Variants in ASCC3 observed in about 807,000 individuals in gnomAD.
ASCC3 encodes activating signal cointegrator 1 complex subunit 3.
Under a neutral mutation model 256.3 loss-of-function variants are expected in ASCC3, and 158 were observed. The observed-to-expected ratio is 0.62, with a 90% CI of 0.54 to 0.70. The LOEUF (loss-of-function observed/expected upper bound fraction) is 0.70, where lower values mean the gene tolerates loss of function less well. Among genes scored for constraint, ASCC3 ranks in the 30% least tolerant of loss-of-function variants. The pLI is 0.00. For synonymous variants in ASCC3, 948 were observed against 883.4 expected (o/e 1.07, Z -1.30); for missense variants, 2,259 against 2,626.0 (o/e 0.86, Z 3.05).
intron 8 of ASCC3, among the ~76,000 whole-genome samples, chr6:100,771,457 G>T (rs1781913536): frequency 6.6e-6 from 1 of 151,976 alleles, no homozygotes; most frequent in East Asian, 1.9e-4. Flanking sequence ...TTAAGATACT[G>T]TTAAGAAAAT....
chr6:100,854,349 G>A (rs886385126), intron 3 of ASCC3, among the ~76,000 whole-genome samples: 8 of 152,016 alleles, frequency 5.3e-5, no homozygotes, highest in Non-Finnish European at 5.9e-5. Flanking sequence ...GTATTTTAGA[G>A]TATAAACTCT....
At chr6:100,557,411 T>A (rs1231371675) in intron 36 of ASCC3, among the ~76,000 whole-genome samples, 1 of 152,192 alleles carries the variant, frequency 6.6e-6, no homozygotes, top group African/African-American at 2.4e-5. Context: ...TTTTGCTGCA[T>A]GGATTTGGGA....
Position 100,652,819 on chromosome 6 carries a change from T to C in ASCC3, c.2894A>G (p.Gln965Arg). The part of the protein sequence containing the change: ...IEVGRKLDKA[Q>R]MIRFEERTGY... ...AGTTCGCTCCTCAAAACGAATCATC[T>C]GAGCTTTGTCTAGTTTTCGTCCAAC... Residue 965 changes from glutamine (Q) to arginine (R), a missense_variant, in exon 18 of 42, where the codon CAG becomes CGG. Gln to Arg is a conservative substitution (Grantham distance 43). Around this residue, in one of 2 missense-constraint regions of ASCC3, gnomAD observed 1,839 missense variants for 2,206.7 expected, o/e 0.83. Coordinates refer to ENST00000369162, the MANE Select transcript of ASCC3 (RefSeq NM_006828.4). 2 of 1,613,800 alleles carry C rather than the reference T, an allele frequency of 1.2e-6. No individual in the cohort carries two copies. The highest frequency in any genetic ancestry group is 1.7e-6 in the Non-Finnish European group (2 of 1,179,792).
chr6:100,717,632 C>T (rs187657045), intron 12 of ASCC3, among the ~76,000 whole-genome samples: 99 of 151,912 alleles, frequency 6.5e-4, no homozygotes, highest in African/African-American at 2.3e-3. Flanking sequence ...AAACAGAACA[C>T]CTTCCTTGAT....
intron 10 of ASCC3, among the ~76,000 whole-genome samples, chr6:100,734,191 C>A (rs1780038581): frequency 6.6e-6 from 1 of 151,984 alleles, no homozygotes; most frequent in African/African-American, 2.4e-5. Context: ...TTTTTTACCA[C>A]CATGTGATAA....
intron 34 of ASCC3, 94 bp downstream of exon 34, chr6:100,601,716 T>A: frequency 6.8e-7 from 1 of 1,479,524 alleles, no homozygotes; most frequent in Non-Finnish European, 9.3e-7. Flanking sequence ...AAGTTCTGCC[T>A]TTTTTGTATG....
chr6:100,670,570 C>G (rs186400858), intron 14 of ASCC3, among the ~76,000 whole-genome samples: 5 of 116,194 alleles, frequency 4.3e-5, no homozygotes, highest in African/African-American at 9.5e-5. Flanking sequence ...CATCTTCCCC[C>G]CCCCCAAATT....
intron 13 of ASCC3, among the ~76,000 whole-genome samples, chr6:100,683,621 A>T (rs1412855744): frequency 6.6e-6 from 1 of 152,106 alleles, no homozygotes; most frequent in Non-Finnish European, 1.5e-5. Context: ...GTTTCATTTG[A>T]CAGAAATAAC....
Position 100,629,080 on chromosome 6 carries a change from C to T in ASCC3, c.4310G>A (p.Ser1437Asn), listed in dbSNP as rs754953311. 1 of 1,613,794 alleles carries T rather than the reference C, an allele frequency of 6.2e-7. No homozygotes were observed. The highest frequency in any genetic ancestry group is 2.2e-5 in the East Asian group (1 of 44,850). ...TPEKWDGVSR[S>N]WQNRNYVQQV... ...CTGAACATAGTTCCTATTTTGCCAGCTTCTGCTGACTCCATCCCACTTCTC... is the reference window on the plus strand; with the variant it reads ...CTGAACATAGTTCCTATTTTGCCAGTTTCTGCTGACTCCATCCCACTTCTC... The change falls in exon 27 of 42, where the codon AGC (serine) becomes AAC (asparagine). Residue 1437 changes from serine to asparagine, a missense_variant. Ser to Asn is a conservative substitution (Grantham distance 46). Around this residue, in one of 2 missense-constraint regions of ASCC3, gnomAD observed 1,839 missense variants for 2,206.7 expected, o/e 0.83. Coordinates refer to ENST00000369162, the MANE Select transcript of ASCC3 (RefSeq NM_006828.4).
chr6:100,679,472 TAAGTCAAGAAAA>T, intron 14 of ASCC3, 134 bp downstream of exon 14: 1 of 1,104,474 alleles, frequency 9.1e-7, no homozygotes, highest in South Asian at 1.4e-5. Flanking sequence ...AAAAGATCAT[TAAGTCAAGAAAA>T]AAGTCAAGAT....
Position 100,709,534 on chromosome 6 carries a change from A to T in ASCC3, c.2151+5928T>A, listed in dbSNP as rs144467753. Among the ~76,000 whole-genome samples the T allele has an allele frequency of 5.5e-3, 835 of 152,274 alleles. 2 individuals are homozygous for T. The highest frequency in any genetic ancestry group is 9.2e-3 in the Non-Finnish European group (627 of 68,008). On this transcript the variant is annotated intron_variant, in intron 13 of 41. Transcript: ENST00000369162. The stretch of plus-strand genomic sequence containing the variant: ...TTTAACAAAGAGAAATAATCATGTT[A>T]TGTCAGAGGACTGGGAAGGTTAAAA...
chr6:100,601,690 A>G, intron 34 of ASCC3, 120 bp downstream of exon 34: 1 of 1,135,778 alleles, frequency 8.8e-7, no homozygotes, highest in Non-Finnish European at 1.3e-6. Context: ...ACAAATTCAT[A>G]TACCTAGAAT....
intron 36 of ASCC3, among the ~76,000 whole-genome samples, chr6:100,540,698 T>TA (rs148064373): frequency 0.014 from 2,095 of 152,138 alleles, 39 homozygotes; most frequent in African/African-American, 0.048. Flanking sequence ...GAGAGGTAGA[T>TA]AAAAAAATTA....
At chr6:100,795,927 A>G (rs1258317727) in intron 8 of ASCC3, among the ~76,000 whole-genome samples, 1 of 152,086 alleles carries the variant, frequency 6.6e-6, no homozygotes, top group Non-Finnish European at 1.5e-5. Context: ...GTTAATGTCT[A>G]TTTTTTCTCC....
chr6:100,768,722 A>C (rs969164420), intron 8 of ASCC3, among the ~76,000 whole-genome samples: 27 of 152,130 alleles, frequency 1.8e-4, no homozygotes, highest in African/African-American at 6.3e-4. Context: ...ACTATAAACC[A>C]ACTTGACTTG....
At chr6:100,563,670 G>C (rs1404931050) in intron 36 of ASCC3, among the ~76,000 whole-genome samples, 3 of 152,090 alleles carry the variant, frequency 2.0e-5, no homozygotes, top group African/African-American at 7.2e-5. Context: ...GCCGAAGCCA[G>C]ACTCAGAACA....
intron 3 of ASCC3, among the ~76,000 whole-genome samples, chr6:100,861,206 A>C (rs1773209590): frequency 6.6e-6 from 1 of 152,122 alleles, no homozygotes; most frequent in South Asian, 2.1e-4. Context: ...TTCAGAATTT[A>C]GATCTAGGCC....
At chr6:100,870,617 G>A (rs1773696667) in intron 1 of ASCC3, among the ~76,000 whole-genome samples, 1 of 152,100 alleles carries the variant, frequency 6.6e-6, no homozygotes. Flanking sequence ...GACAGCTGGG[G>A]AAAAAACAGT....
intron 14 of ASCC3, among the ~76,000 whole-genome samples, chr6:100,673,292 T>A (rs1210030659): frequency 6.6e-6 from 1 of 152,092 alleles, no homozygotes; most frequent in Non-Finnish European, 1.5e-5. Context: ...ACATGAAATA[T>A]GTTTTTGATT....
Sources: allele counts gnomAD v4.1 joint callset (sites outside exome capture counted in the v4.1 genomes callset), GRCh38; gene constraint gnomAD v4.1.1; regional missense constraint gnomAD v4.1.1; transcripts MANE v1.5; gene names NCBI Gene and HGNC (gene_info 2026-07-23, HGNC 2026-07-21).